NAF1: variants seen among roughly 807,000 people sequenced by gnomAD.
NAF1 encodes H/ACA ribonucleoprotein complex non-core subunit NAF1.
Under a neutral mutation model 40.6 loss-of-function variants are expected in NAF1, and 11 were observed. The ratio of observed to expected loss-of-function variants is 0.27; its 90% CI spans 0.17 to 0.45. The LOEUF (loss-of-function observed/expected upper bound fraction) is 0.45. Among genes scored for constraint, NAF1 ranks in the 20% least tolerant of loss-of-function variants. The probability of loss-of-function intolerance (pLI) is 1.00; values close to 1 mark genes in which losing one functional copy is unlikely to be tolerated. For synonymous variants in NAF1, 260 were observed against 228.5 expected, an observed-to-expected ratio of 1.14 and a Z score of -1.24; for missense variants, 607 against 611.1, an observed-to-expected ratio of 0.99 and a Z score of 0.07.
At chr4:163,127,155 AGTCTT>A (rs1730684199), downstream of NAF1, 1 of 1,538,894 alleles carries the variant, frequency 6.5e-7, no homozygotes, top group African/African-American at 1.4e-5. Flanking sequence ...TTTGAGATGG[AGTCTT>A]GCTCTGCCAC....
intron 2 of NAF1, 108 bp from the exon 3 acceptor site, chr4:163,148,542 G>T: frequency 1.4e-6 from 1 of 713,856 alleles, no homozygotes; most frequent in Non-Finnish European, 2.4e-6. Flanking sequence ...TGCTTTAAGT[G>T]CTTAGAGCAT....
chr4:163,109,223 T>C (rs182513077), downstream of NAF1, among the ~76,000 whole-genome samples: 125 of 151,676 alleles, frequency 8.2e-4, no homozygotes, highest in African/African-American at 2.9e-3. Context: ...ACAACTTCGA[T>C]TAAATTACTA....
intron 2 of NAF1, chr4:163,117,561 C>T (rs1730377223): frequency 6.6e-6 from 1 of 151,412 alleles, no homozygotes; most frequent in South Asian, 2.1e-4. Flanking sequence ...AAGTACATGG[C>T]CTCAGATGGC....
downstream of NAF1, among the ~76,000 whole-genome samples, chr4:163,125,969 G>A (rs908379103): frequency 6.6e-6 from 1 of 151,824 alleles, no homozygotes; most frequent in Admixed American, 6.6e-5. Context: ...GAAAAACTAT[G>A]CCTGGATGAC....
In NAF1 at chr4:163,132,664, T is replaced by C. The variant is rs538087516; in HGVS notation, c.1033+490A>G. ...TATAGCTTCATTGTATAACTGTCAA[T>C]ATCCTGGCTGGGACAGTGTTCCATA... On this transcript the variant is annotated intron_variant, in intron 7 of 7. Coordinates refer to ENST00000274054, the MANE Select transcript of NAF1 (RefSeq NM_138386.3). Among the ~76,000 whole-genome samples, 201 of 152,312 alleles carry C rather than the reference T, an allele frequency of 1.3e-3. 1 individual carries two copies. Among genetic ancestry groups the C allele is most frequent in the African/African-American group, 4.7e-3 (194 of 41,578 alleles).
chr4:163,161,413 C>A (rs1433209664), intron 2 of NAF1, among the ~76,000 whole-genome samples: 1 of 151,820 alleles, frequency 6.6e-6, no homozygotes, highest in Admixed American at 6.6e-5. Flanking sequence ...GTGGAGGTTA[C>A]AGTGAGTCGA....
At chr4:163,148,104 A>C (rs1031435632) in intron 3 of NAF1, among the ~76,000 whole-genome samples, 4 of 152,192 alleles carry the variant, frequency 2.6e-5, no homozygotes, top group Non-Finnish European at 5.9e-5. Flanking sequence ...AACCAAATCA[A>C]AGGAAATTCC....
chr4:163,163,375 T>C (rs1254695878), intron 2 of NAF1, among the ~76,000 whole-genome samples: 2 of 152,156 alleles, frequency 1.3e-5, no homozygotes, highest in Non-Finnish European at 2.9e-5. Context: ...TAGGCTTTAA[T>C]TTATTTTTTC....
chr4:163,152,770 C>G (rs536836306), intron 2 of NAF1, among the ~76,000 whole-genome samples: 8 of 152,354 alleles, frequency 5.3e-5, no homozygotes, highest in Middle Eastern at 3.4e-3. Flanking sequence ...TTCAGCCCAC[C>G]GCTGCACTGT....
At chr4:163,150,756 C>T (rs991435327) in intron 2 of NAF1, among the ~76,000 whole-genome samples, 3 of 152,046 alleles carry the variant, frequency 2.0e-5, no homozygotes, top group Non-Finnish European at 2.9e-5. Context: ...TTACATATAT[C>T]TTTGTGTAAC....
chr4:163,150,627 C>A (rs1295666302), intron 2 of NAF1, among the ~76,000 whole-genome samples: 4 of 151,480 alleles, frequency 2.6e-5, no homozygotes, highest in African/African-American at 9.7e-5. Flanking sequence ...AACATATATC[C>A]TTAAACACTT....
At chr4:163,104,286 G>T in the NAF1 span, among the ~76,000 whole-genome samples, 2 of 152,140 alleles carry the variant, frequency 1.3e-5, no homozygotes, top group South Asian at 4.1e-4. Flanking sequence ...GGTCACAGGG[G>T]ATTATGATGG....
At chr4:163,163,379 T>C (rs941238425) in intron 2 of NAF1, among the ~76,000 whole-genome samples, 5 of 152,188 alleles carry the variant, frequency 3.3e-5, no homozygotes, top group African/African-American at 1.2e-4. Flanking sequence ...CTTTAATTTA[T>C]TTTTTCAAAT....
chr4:163,164,247 A>T lies in NAF1; in HGVS notation c.510T>A (p.Pro170=), dbSNP rs922394062. 2 of 1,567,098 alleles carry T rather than the reference A, an allele frequency of 1.3e-6. No homozygotes were observed. Among genetic ancestry groups the T allele is most frequent in the African/African-American group, 2.8e-5 (2 of 72,398 alleles). The change falls in exon 2 of 8, where the codon CCT becomes CCA. Residue 170 remains proline (P), a synonymous_variant. Coordinates refer to ENST00000274054, the MANE Select transcript of NAF1 (RefSeq NM_138386.3). ...GAAGTAATTCATCTTTTGTTTTAAG[A>T]GGAAAATTCTTATTTTCCTTCTCAA... The part of the protein sequence containing the change: ...LQIEKENKNF[P]LKTKDELLLN...
intron 7 of NAF1, among the ~76,000 whole-genome samples, chr4:163,131,699 T>C (rs538719151): frequency 1.3e-5 from 2 of 152,278 alleles, no homozygotes; most frequent in East Asian, 1.9e-4. Context: ...TCAGATTCCA[T>C]AAACAAAATT....
chr4:163,104,312 G>T, the NAF1 span, among the ~76,000 whole-genome samples: 1 of 152,206 alleles, frequency 6.6e-6, no homozygotes, highest in African/African-American at 2.4e-5. Flanking sequence ...CTTGGGCTCA[G>T]AGGCCTGACA....
chr4:163,151,123 G>T (rs1302239676), intron 2 of NAF1, among the ~76,000 whole-genome samples: 1 of 151,186 alleles, frequency 6.6e-6, no homozygotes, highest in Admixed American at 6.6e-5. Context: ...AAAACCTTTG[G>T]ATTTTCAAGG....
intron 2 of NAF1, among the ~76,000 whole-genome samples, chr4:163,110,497 G>A (rs76348545): frequency 6.6e-6 from 1 of 152,250 alleles, no homozygotes; most frequent in East Asian, 1.9e-4. Context: ...TACTATTTGT[G>A]ATTTCAGGCA....
chr4:163,135,559 GA>G (rs1253464618), intron 6 of NAF1: 1 of 152,236 alleles, frequency 6.6e-6, no homozygotes, highest in African/African-American at 2.4e-5. Flanking sequence ...GAGAGGCAGA[GA>G]GGGGTGGATT....
Sources: allele counts gnomAD v4.1 joint callset (sites outside exome capture counted in the v4.1 genomes callset), GRCh38; gene constraint gnomAD v4.1.1; transcripts MANE v1.5; gene names NCBI Gene and HGNC (gene_info 2026-07-23, HGNC 2026-07-21).